Variants in PDK1 observed in about 807,000 individuals in gnomAD.
PDK1 encodes the protein pyruvate dehydrogenase kinase 1, also known as [Pyruvate dehydrogenase (acetyl-transferring)] kinase isozyme 1, mitochondrial.
A neutral mutation model predicts 54.2 loss-of-function variants in PDK1; 39 were observed. The ratio of observed to expected loss-of-function variants is 0.72; its 90% CI spans 0.56 to 0.94. The LOEUF is 0.94. Ranked by LOEUF, PDK1 falls within the 40% of genes least tolerant of loss-of-function variation. PDK1 has a pLI of 0.00. For synonymous variants in PDK1, 221 were observed against 207.1 expected, an observed-to-expected ratio of 1.07 and a Z score of -0.58; for missense variants, 552 against 566.0, an observed-to-expected ratio of 0.98 and a Z score of 0.25.
At chr2:172,669,691 G>A in the PDK1 span, among the ~76,000 whole-genome samples, 2 of 152,098 alleles carry the variant, frequency 1.3e-5, no homozygotes, top group Non-Finnish European at 2.9e-5. Flanking sequence ...TTTGGTAATA[G>A]CAAATTTAAT....
At chr2:172,621,645 CAT>C in the PDK1 span, among the ~76,000 whole-genome samples, 729 of 144,406 alleles carry the variant, frequency 5.0e-3, 6 homozygotes, top group South Asian at 0.035. Flanking sequence ...GTTTATATAT[CAT>C]ATATGTTTAT....
chr2:172,559,411 A>G (rs566536034), intron 2 of PDK1, among the ~76,000 whole-genome samples: 3 of 152,334 alleles, frequency 2.0e-5, no homozygotes, highest in African/African-American at 7.2e-5. Flanking sequence ...TTATGTTAGT[A>G]TATCTTCAAG....
the PDK1 span, among the ~76,000 whole-genome samples, chr2:172,686,979 C>T: frequency 4.6e-5 from 7 of 152,162 alleles, no homozygotes; most frequent in African/African-American, 1.7e-4. Flanking sequence ...AAGAGAATAA[C>T]ATATGCACTA....
chr2:172,638,162 G>A, the PDK1 span, among the ~76,000 whole-genome samples: 1 of 152,172 alleles, frequency 6.6e-6, no homozygotes, highest in African/African-American at 2.4e-5. Flanking sequence ...ATGGGCCCAA[G>A]AAAGAAACAC....
the PDK1 span, among the ~76,000 whole-genome samples, chr2:172,631,155 G>T: frequency 6.6e-6 from 1 of 152,144 alleles, no homozygotes; most frequent in Non-Finnish European, 1.5e-5. Flanking sequence ...CCCCTTTCTT[G>T]CTGTTTTGTG....
chr2:172,642,654 A>G, the PDK1 span, among the ~76,000 whole-genome samples: 3 of 152,208 alleles, frequency 2.0e-5, no homozygotes, highest in Non-Finnish European at 2.9e-5. Context: ...TAGTGTGTTC[A>G]TAGAGACTTC....
intron 5 of PDK1, 86 bp from the exon 6 acceptor site, chr2:172,566,770 G>A (rs749973200): frequency 4.3e-6 from 3 of 696,350 alleles, no homozygotes; most frequent in Non-Finnish European, 7.1e-6. Context: ...TCAAGACTTT[G>A]ATTTGTCAAT....
At chr2:172,629,269 T>C in the PDK1 span, among the ~76,000 whole-genome samples, 9 of 152,318 alleles carry the variant, frequency 5.9e-5, no homozygotes, top group East Asian at 9.6e-4. Context: ...AGTGAGAACA[T>C]GCATTCCTGT....
the PDK1 span, among the ~76,000 whole-genome samples, chr2:172,690,084 T>G: frequency 6.7e-6 from 1 of 149,820 alleles, no homozygotes; most frequent in African/African-American, 2.4e-5. Flanking sequence ...TGGGAGAAAA[T>G]TTTTGCAATC....
chr2:172,631,997 C>T, the PDK1 span, among the ~76,000 whole-genome samples: 3 of 151,944 alleles, frequency 2.0e-5, no homozygotes, highest in Non-Finnish European at 2.9e-5. Flanking sequence ...CCCTTGAGGC[C>T]GGACGTGGTG....
rs1691153935 is a variant in PDK1 at position 172,602,657 on chromosome 2, CCTTT to C, written c.*6691_*6694del. ...AAAAAGTTACCTGCCTATGGATTCTCCTTTCTAACTCTGACCTAATATTTTGGAG... is the reference window on the plus strand; with the variant it reads ...AAAAAGTTACCTGCCTATGGATTCTCCTAACTCTGACCTAATATTTTGGAG... On this transcript the variant is annotated 3_prime_UTR_variant, in exon 11 of 11. Coordinates refer to ENST00000282077, the MANE Select transcript of PDK1 (RefSeq NM_002610.5). 6.6e-6 allele frequency: 1 copy of C among 152,162 alleles called. No individual in the cohort carries two copies. Among genetic ancestry groups the C allele is most frequent in the Admixed American group, 6.5e-5 (1 of 15,270 alleles). 9.4% of individuals were successfully genotyped at this position (152,162 alleles called of 1,614,324 possible).
chr2:172,672,244 A>G, the PDK1 span, among the ~76,000 whole-genome samples: 4 of 152,194 alleles, frequency 2.6e-5, no homozygotes, highest in Admixed American at 6.5e-5. Context: ...TAAAGTTTGA[A>G]ATTAGCATCA....
the PDK1 span, among the ~76,000 whole-genome samples, chr2:172,665,396 G>A: frequency 6.6e-6 from 1 of 152,152 alleles, no homozygotes. Context: ...AAGGGCTAGG[G>A]TGTGGTGAGG....
rs1175087926 is a variant in PDK1 at position 172,583,281 on chromosome 2, G to GTTTTTT, written c.946-2971_946-2966dup. ...CATAATGCTGCATAAAAGTTTTCTG[G>GTTTTTT]TTTTTTTTTTTTTTTTTTTTTTTTT... On this transcript the variant is annotated intron_variant, in intron 8 of 10. Transcript: ENST00000282077. Among the ~76,000 whole-genome samples the GTTTTTT allele has an allele frequency of 1.9e-3, 143 of 77,074 alleles. 16 individuals carry two copies. Among genetic ancestry groups the GTTTTTT allele is most frequent in the African/African-American group, 2.3e-3 (43 of 18,480 alleles). 50.6% of individuals were successfully genotyped at this position (77,074 alleles called of 152,430 possible).
chr2:172,687,471 AG>A, the PDK1 span, among the ~76,000 whole-genome samples: 1 of 152,284 alleles, frequency 6.6e-6, no homozygotes, highest in East Asian at 1.9e-4. Flanking sequence ...ATATTAGAAG[AG>A]GGAAGTTAGA....
the PDK1 span, among the ~76,000 whole-genome samples, chr2:172,696,182 A>G: frequency 1.3e-5 from 2 of 151,188 alleles, no homozygotes; most frequent in African/African-American, 4.9e-5. Context: ...CAAAAAAAAA[A>G]AAAAAAGAAA....
the PDK1 span, among the ~76,000 whole-genome samples, chr2:172,619,647 T>A: frequency 4.1e-4 from 62 of 152,166 alleles, no homozygotes; most frequent in East Asian, 0.012. Context: ...TCAGGTAATA[T>A]CTCAAAATAT....
At chr2:172,709,568 C>T in the PDK1 span, among the ~76,000 whole-genome samples, 47 of 152,170 alleles carry the variant, frequency 3.1e-4, no homozygotes, top group Non-Finnish European at 6.5e-4. Context: ...GTGGAAAATA[C>T]AGGTAGTCCT....
chr2:172,596,550 T>G lies in PDK1; in HGVS notation c.*581T>G, dbSNP rs1403560994. On this transcript the variant is annotated 3_prime_UTR_variant, in exon 11 of 11. Transcript: ENST00000282077. ...TTAATTTACCATTTTTAAATTTTAT[T>G]GTAAAGAAGTGTAATGACTAGCTCT... 6.6e-6 allele frequency: 1 copy of G among 152,292 alleles called. No individual in the cohort carries two copies. The highest frequency in any genetic ancestry group is 1.5e-5 in the Non-Finnish European group (1 of 68,106). 9.4% of individuals were successfully genotyped at this position (152,292 alleles called of 1,614,324 possible). A position where few individuals can be genotyped will look rare whatever the true frequency, so the allele number is the denominator to read the frequency against.
Sources: gnomAD v4.1 joint callset for allele counts (sites outside exome capture counted in the v4.1 genomes callset) on GRCh38, gnomAD v4.1.1 for gene constraint, MANE v1.5 for transcripts, NCBI Gene and HGNC (gene_info 2026-07-23, HGNC 2026-07-21) for gene names.